MTG1: variants seen among roughly 807,000 people sequenced by gnomAD.
MTG1 encodes the protein mitochondrial ribosome associated GTPase 1, also known as mitochondrial ribosome-associated GTPase 1.
A neutral mutation model predicts 39.5 loss-of-function variants in MTG1; 30 were observed. The observed-to-expected ratio is 0.76, with a 90% CI of 0.57 to 1.03. MTG1 has a LOEUF of 1.03. Among genes scored for constraint, MTG1 ranks in the 50% least tolerant of loss-of-function variants. The pLI, the probability that MTG1 is intolerant of heterozygous loss-of-function variation, is 0.00. For missense variants in MTG1, 513 were observed against 447.4 expected, an observed-to-expected ratio of 1.15 and a Z score of -1.32; for synonymous variants, 217 against 179.0, an observed-to-expected ratio of 1.21 and a Z score of -1.69.
chr10:133,420,009 A>T lies in MTG1; in HGVS notation c.866-17A>T. 3 of 1,594,042 alleles carry T rather than the reference A, an allele frequency of 1.9e-6. No homozygotes were observed. Among genetic ancestry groups the T allele is most frequent in the Non-Finnish European group, 2.6e-6 (3 of 1,167,968 alleles). ...GCTGTGAAGGCTCCTTCCTCACTGA[A>T]CCCTCCCGTCCCCCAGGTAACGTGA... is the stretch of plus-strand genomic sequence containing the variant. On this transcript the variant is annotated splice_polypyrimidine_tract_variant and intron_variant, in intron 10 of 10. Coordinates refer to ENST00000317502, the MANE Select transcript of MTG1 (RefSeq NM_138384.4).
chr10:133,404,742 C>CT (rs377026074), intron 9 of MTG1, among the ~76,000 whole-genome samples: 26 of 148,598 alleles, frequency 1.7e-4, no homozygotes, highest in South Asian at 8.5e-4. Flanking sequence ...GATTGAAGTT[C>CT]TTTTTTTTTT....
At chr10:133,419,982 C>G (rs375261941) in intron 10 of MTG1, 44 bp from the exon 11 acceptor site, 5 of 1,572,642 alleles carry the variant, frequency 3.2e-6, no homozygotes, top group Middle Eastern at 1.7e-4. Context: ...TGGGCCTGTC[C>G]TGCTGTGAAG....
At chr10:133,403,086 C>T (rs7078208) in intron 9 of MTG1, among the ~76,000 whole-genome samples, 9,328 of 114,160 alleles carry the variant, frequency 0.082, 257 homozygotes, top group East Asian at 0.15. Flanking sequence ...CGAGCGTTCC[C>T]GTCACCCCCA....
chr10:133,401,251 C>A (rs1364709532), intron 6 of MTG1, among the ~76,000 whole-genome samples: 1 of 152,172 alleles, frequency 6.6e-6, no homozygotes, highest in African/African-American at 2.4e-5. Flanking sequence ...GTTGAAGAAT[C>A]TCAGTCTCTG....
intron 7 of MTG1, 174 bp downstream of exon 7, chr10:133,401,764 C>A: frequency 1.4e-6 from 1 of 729,776 alleles, no homozygotes; most frequent in Non-Finnish European, 2.4e-6. Context: ...CCACAGTCGT[C>A]ATAGTCTTTG....
At chr10:133,397,235 TCTCC>T (rs915204411) in intron 3 of MTG1, among the ~76,000 whole-genome samples, 37 of 152,052 alleles carry the variant, frequency 2.4e-4, no homozygotes, top group African/African-American at 8.5e-4. Flanking sequence ...TGTCTCTCTT[TCTCC>T]CTCTCTCTCT....
At chr10:133,405,641 C>G (rs1045993436) in intron 9 of MTG1, among the ~76,000 whole-genome samples, 31 of 152,186 alleles carry the variant, frequency 2.0e-4, no homozygotes, top group Non-Finnish European at 2.6e-4. Context: ...ATCTCCAGTT[C>G]TGTTTGTATT....
intron 3 of MTG1, among the ~76,000 whole-genome samples, chr10:133,396,919 G>C (rs747468974): frequency 6.6e-6 from 1 of 152,152 alleles, no homozygotes; most frequent in Non-Finnish European, 1.5e-5. Context: ...GTGGTCTAGC[G>C]GTAGCGTCAG....
In MTG1 at chr10:133,394,215, G is replaced by C. The variant is rs754178059; in HGVS notation, c.-6G>C. ...CTGCGGGAGCGTTTCCGGGGACGGT[G>C]CCGCCATGAGATTGACCCCGCGCGC... On this transcript the variant is annotated 5_prime_UTR_variant, in exon 1 of 11. Coordinates refer to ENST00000317502, the MANE Select transcript of MTG1 (RefSeq NM_138384.4). 2.0e-6 allele frequency: 3 copies of C among 1,514,580 alleles called. No individual in the cohort carries two copies. The African/African-American group carries it at 4.3e-5, about 22-fold the overall frequency. The allele number at this position is 1,514,580 out of a possible 1,614,324, so 93.8% of individuals were successfully genotyped here.
At chr10:133,394,549 T>G (rs1048625270) in intron 1 of MTG1, 18 of 1,336,282 alleles carry the variant, frequency 1.3e-5, no homozygotes, top group Non-Finnish European at 1.6e-5. Flanking sequence ...TTCCCGCGAG[T>G]GCCCCCGCGG....
In MTG1 at chr10:133,402,868, G is replaced by A. The variant is rs1770887285; in HGVS notation, c.752+95G>A. On this transcript the variant is annotated intron_variant, in intron 9 of 10. Transcript: ENST00000317502. The surrounding 1 kb of genome is among the most constrained non-coding windows in gnomAD (Gnocchi z 4.7). ...ACAAAAAAACCCCCAGCATTATAAA[G>A]GTATTATAAACACGGTAACCTGCAC... The A allele has an allele frequency of 2.1e-6, 2 of 974,854 alleles. No individual in the cohort carries two copies. Among genetic ancestry groups the A allele is most frequent in the African/African-American group, 1.7e-5 (1 of 60,462 alleles). The allele number at this position is 974,854 out of a possible 1,614,324, so 60.4% of individuals were successfully genotyped here. A position where few individuals can be genotyped will look rare whatever the true frequency, so the allele number is the denominator to read the frequency against.
chr10:133,411,486 C>T (rs1850045679), intron 9 of MTG1, among the ~76,000 whole-genome samples: 1 of 152,156 alleles, frequency 6.6e-6, no homozygotes, highest in African/African-American at 2.4e-5. Flanking sequence ...TTATGTCTTT[C>T]TGAGGGTTTG....
intron 3 of MTG1, 142 bp from the exon 4 acceptor site, chr10:133,398,293 G>A: frequency 1.4e-6 from 1 of 716,250 alleles, no homozygotes. Context: ...CCTGCTACTT[G>A]GGAGGCTGAG....
intron 9 of MTG1, among the ~76,000 whole-genome samples, chr10:133,418,227 G>A (rs544995128): frequency 2.0e-4 from 30 of 152,262 alleles, no homozygotes; most frequent in Admixed American, 8.5e-4. Context: ...GGCTGGTGTC[G>A]AACTCCTGAC....
At chr10:133,410,347 G>C (rs564135943) in intron 9 of MTG1, among the ~76,000 whole-genome samples, 1 of 152,142 alleles carries the variant, frequency 6.6e-6, no homozygotes, top group Admixed American at 6.5e-5. Flanking sequence ...GTGAGCCACT[G>C]TGCCTGGCCT....
At chr10:133,408,801 C>T (rs576905827) in intron 9 of MTG1, among the ~76,000 whole-genome samples, 1 of 152,306 alleles carries the variant, frequency 6.6e-6, no homozygotes, top group South Asian at 2.1e-4. Context: ...AGGAATTCAT[C>T]CCTTTCGTCT....
At chr10:133,412,930 C>T (rs1850068212) in intron 9 of MTG1, among the ~76,000 whole-genome samples, 1 of 152,150 alleles carries the variant, frequency 6.6e-6, no homozygotes, top group Non-Finnish European at 1.5e-5. Flanking sequence ...TCTGTTTCTT[C>T]TTGCTGTTCA....
chr10:133,416,566 A>G (rs1373730664), intron 9 of MTG1, among the ~76,000 whole-genome samples: 1 of 91,102 alleles, frequency 1.1e-5, no homozygotes, highest in African/African-American at 4.2e-5. Flanking sequence ...CCCCCACCCC[A>G]CAACAGTCCC....
intron 9 of MTG1, among the ~76,000 whole-genome samples, chr10:133,406,176 ATAGT>A (rs767187945): frequency 2.6e-5 from 4 of 152,116 alleles, no homozygotes; most frequent in Non-Finnish European, 4.4e-5. Context: ...CCATTTTTAA[ATAGT>A]TATGTGGTTT....
Sources: gnomAD v4.1 joint callset for allele counts (sites outside exome capture counted in the v4.1 genomes callset) on GRCh38, gnomAD v4.1.1 for gene constraint, Gnocchi (gnomAD v3.1) non-coding constraint, MANE v1.5 for transcripts, NCBI Gene and HGNC (gene_info 2026-07-23, HGNC 2026-07-21) for gene names.